Variants in TPTE observed in about 807,000 individuals in gnomAD.
TPTE encodes the protein putative tyrosine-protein phosphatase TPTE.
TPTE carries 59 observed loss-of-function variants against 84.1 expected under a neutral mutation model. The ratio of observed to expected loss-of-function variants is 0.70; its 90% confidence interval spans 0.57 to 0.87. The LOEUF (loss-of-function observed/expected upper bound fraction) is 0.87. Ranked by LOEUF, TPTE falls within the 40% of genes least tolerant of loss-of-function variation. The pLI, the probability that TPTE is intolerant of heterozygous loss-of-function variation, is 0.00. For missense variants in TPTE, 382 were observed against 659.6 expected (o/e 0.58, Z 4.61); for synonymous variants, 130 against 223.5 (o/e 0.58, Z 3.73).
chr21:10,526,038 T>A (rs1274456402), intron 2 of TPTE, among the ~76,000 whole-genome samples: 1 of 152,304 alleles, frequency 6.6e-6, no homozygotes, highest in Non-Finnish European at 1.5e-5. Context: ...CTTACCTTTT[T>A]GGTGTTTTGA....
intron 3 of TPTE, among the ~76,000 whole-genome samples, chr21:10,534,883 G>T (rs1342376893): frequency 2.0e-5 from 3 of 152,310 alleles, no homozygotes; most frequent in Non-Finnish European, 2.9e-5. Context: ...CTGTTGGATT[G>T]CCTGTGTATG....
rs2135783 is a variant in TPTE, at chr21:10,581,379, A to C, written c.1027+2774A>C. Among the ~76,000 whole-genome samples, 7 of 152,406 alleles carry C rather than the reference A, an allele frequency of 4.6e-5. No individual in the cohort carries two copies. The South Asian group carries it at 8.3e-4, about 18-fold the overall frequency. ...CTAATTCCTTGCTTGAAGGAAAACA[A>C]TCATTTCAAATCTGACTTTTTTTCT... On this transcript the variant is annotated intron_variant, in intron 17 of 23. Transcript: ENST00000618007.
intron 7 of TPTE, among the ~76,000 whole-genome samples, chr21:10,548,117 C>T (rs1198334720): frequency 6.6e-5 from 10 of 152,294 alleles, no homozygotes; most frequent in Admixed American, 2.6e-4. Flanking sequence ...GGCACACCAC[C>T]GAGTGGGCCT....
At chr21:10,555,210 TTC>T (rs1454040969) in intron 8 of TPTE, among the ~76,000 whole-genome samples, 3 of 152,304 alleles carry the variant, frequency 2.0e-5, no homozygotes, top group African/African-American at 7.2e-5. Context: ...ATATCTTTTT[TTC>T]TCTCTTTTTT....
At chr21:10,540,441 A>C (rs911181334) in intron 4 of TPTE, among the ~76,000 whole-genome samples, 9 of 152,424 alleles carry the variant, frequency 5.9e-5, no homozygotes, top group Admixed American at 1.3e-4. Flanking sequence ...TTTTTATGTT[A>C]GTGTTTGTCA....
chr21:10,571,707 A>T (rs1470075163), intron 14 of TPTE, among the ~76,000 whole-genome samples: 11 of 152,298 alleles, frequency 7.2e-5, no homozygotes, highest in Non-Finnish European at 1.6e-4. Context: ...TAAGGAATAA[A>T]ATAAAAATAC....
At chr21:10,529,267 T>C (rs1380368248) in intron 3 of TPTE, among the ~76,000 whole-genome samples, 3 of 152,298 alleles carry the variant, frequency 2.0e-5, no homozygotes, top group African/African-American at 7.2e-5. Context: ...ATGTGTGATA[T>C]CTAAAAGTTC....
At chr21:10,596,172 C>T (rs2075585278) in intron 20 of TPTE, 85 bp downstream of exon 20, 1 of 1,533,298 alleles carries the variant, frequency 6.5e-7, no homozygotes, top group East Asian at 2.3e-5. Flanking sequence ...GTTGTATATA[C>T]AGATGATCCT....
chr21:10,596,571 C>T (rs552982869), intron 20 of TPTE, among the ~76,000 whole-genome samples: 70 of 152,308 alleles, frequency 4.6e-4, no homozygotes, highest in African/African-American at 1.6e-3. Flanking sequence ...CCTCTCTCCT[C>T]CATCTGTAAC....
chr21:10,529,707 G>T (rs537421851), intron 3 of TPTE, among the ~76,000 whole-genome samples: 77 of 152,390 alleles, frequency 5.1e-4, no homozygotes, highest in African/African-American at 1.7e-3. Flanking sequence ...TATTGTGGTT[G>T]AGAGGTATTG....
chr21:10,583,083 A>G (rs370482976), intron 17 of TPTE, among the ~76,000 whole-genome samples: 315 of 151,778 alleles, frequency 2.1e-3, no homozygotes, highest in African/African-American at 7.3e-3. Context: ...ATGTGGCCAC[A>G]TTTTTGTTGA....
intron 14 of TPTE, among the ~76,000 whole-genome samples, chr21:10,575,335 C>T (rs368717774): frequency 4.6e-5 from 7 of 152,408 alleles, no homozygotes; most frequent in East Asian, 3.9e-4. Context: ...ACTCCAGCAG[C>T]GGTTCTATGG....
intron 19 of TPTE, among the ~76,000 whole-genome samples, chr21:10,593,519 A>G (rs576009368): frequency 5.2e-5 from 8 of 152,412 alleles, no homozygotes; most frequent in African/African-American, 1.9e-4. Flanking sequence ...TTTATTGCAG[A>G]AACCAGGATG....
At chr21:10,524,888 C>A (rs946765884) in intron 2 of TPTE, among the ~76,000 whole-genome samples, 200 bp downstream of exon 2, 1 of 152,286 alleles carries the variant, frequency 6.6e-6, no homozygotes, top group Non-Finnish European at 1.5e-5. Flanking sequence ...TGTCTGTGAC[C>A]CAGCAAATAA....
intron 14 of TPTE, among the ~76,000 whole-genome samples, chr21:10,571,923 T>G (rs1453657466): frequency 6.6e-6 from 1 of 152,302 alleles, no homozygotes; most frequent in East Asian, 1.9e-4. Flanking sequence ...GAGAATTGCT[T>G]GAATCCAGGA....
Position 10,602,038 on chromosome 21 carries a change from T to A in TPTE, c.1357-20T>A. On this transcript the variant is annotated intron_variant, in intron 21 of 23. Coordinates refer to ENST00000618007, the MANE Select transcript of TPTE (RefSeq NM_199261.4). Reference sequence around the variant, plus strand: ...CATTATCTAGGTTTATAGTTCTCAATTCCATGTGTTCATTCATAGGTACTT... The same window carrying A: ...CATTATCTAGGTTTATAGTTCTCAAATCCATGTGTTCATTCATAGGTACTT... 6.2e-7 allele frequency: 1 copy of A among 1,604,706 alleles called. No homozygotes were observed. Among genetic ancestry groups the A allele is most frequent in the Non-Finnish European group, 8.5e-7 (1 of 1,171,398 alleles).
rs867506411 is a variant in TPTE at position 10,562,606 on chromosome 21, A to G, written c.446+1415A>G. Among the ~76,000 whole-genome samples, 11 of 152,242 alleles carry G rather than the reference A, an allele frequency of 7.2e-5. No homozygotes were observed. In the Middle Eastern group the frequency reaches 0.014, roughly 188 times the overall value. ...AGAATCAAGCAGAAATTCTGGAGCC[A>G]AAAAATGTAATTGGCATGCCGAAGA... On this transcript the variant is annotated intron_variant, in intron 10 of 23. Coordinates refer to ENST00000618007, the MANE Select transcript of TPTE (RefSeq NM_199261.4).
intron 23 of TPTE, 152 bp downstream of exon 23, chr21:10,603,784 A>T (rs1978912523): frequency 2.8e-6 from 3 of 1,061,476 alleles, no homozygotes; most frequent in African/African-American, 1.6e-5. Flanking sequence ...TACTCTTCTT[A>T]CTTTGGTTAT....
At chr21:10,562,167 C>G (rs1478704630) in intron 10 of TPTE, among the ~76,000 whole-genome samples, 17 of 152,296 alleles carry the variant, frequency 1.1e-4, no homozygotes, top group African/African-American at 3.9e-4. Context: ...CTGCAAGAAC[C>G]AGAGTTTAGG....
Sources: allele counts gnomAD v4.1 joint callset (sites outside exome capture counted in the v4.1 genomes callset), GRCh38; gene constraint gnomAD v4.1.1; transcripts MANE v1.5; gene names NCBI Gene and HGNC (gene_info 2026-07-23, HGNC 2026-07-21).